C1orf185: variants seen among roughly 807,000 people sequenced by gnomAD.
C1orf185 encodes uncharacterized protein C1orf185.
In C1orf185, 13 loss-of-function variants were observed where a neutral mutation model predicts 16.1. The ratio of observed to expected loss-of-function variants is 0.81; its 90% CI spans 0.53 to 1.28. The LOEUF is 1.28. C1orf185 is among the 50% of genes most tolerant of loss of function. The pLI is 0.00. For synonymous variants in C1orf185, 80 were observed against 76.9 expected (o/e 1.04, Z -0.21); for missense variants, 220 against 225.2 (o/e 0.98, Z 0.15).
chr1:51,104,213 A>G (rs906218487), intron 1 of C1orf185, among the ~76,000 whole-genome samples: 3 of 152,218 alleles, frequency 2.0e-5, no homozygotes, highest in Non-Finnish European at 4.4e-5. Context: ...TATATACAGC[A>G]TAAACCTAAG....
chr1:51,148,008 G>C lies in C1orf185; in HGVS notation c.*237G>C. The C allele has an allele frequency of 2.6e-6, 1 of 388,778 alleles. No individual in the cohort carries two copies. Among genetic ancestry groups the C allele is most frequent in the Non-Finnish European group, 4.6e-6 (1 of 218,534 alleles). 24.1% of individuals were successfully genotyped at this position (388,778 alleles called of 1,614,324 possible). On this transcript the variant is annotated 3_prime_UTR_variant, in exon 5 of 5. Transcript: ENST00000371759. ...AGAAACAAAATTAGGAAGAACTAGAGTGATGTCATGAACATTAAGCTTAAC... is the reference window on the plus strand; with the variant it reads ...AGAAACAAAATTAGGAAGAACTAGACTGATGTCATGAACATTAAGCTTAAC...
At chr1:51,109,371 G>C (rs988988609) in intron 1 of C1orf185, among the ~76,000 whole-genome samples, 2 of 151,998 alleles carry the variant, frequency 1.3e-5, no homozygotes, top group African/African-American at 4.8e-5. Flanking sequence ...TTGTCTCTTC[G>C]CTTTGTTGGT....
At chr1:51,124,518 T>A (rs1185583950) in intron 3 of C1orf185, among the ~76,000 whole-genome samples, 2 of 152,246 alleles carry the variant, frequency 1.3e-5, no homozygotes, top group Admixed American at 1.3e-4. Context: ...TGAACATTAC[T>A]GCTCTTTGCA....
At chr1:51,121,701 T>C (rs1455588854) in intron 3 of C1orf185, among the ~76,000 whole-genome samples, 1 of 152,010 alleles carries the variant, frequency 6.6e-6, no homozygotes, top group Non-Finnish European at 1.5e-5. Context: ...TAAAAATAGG[T>C]TTAATATAAT....
At chr1:51,105,977 T>C (rs1202649550) in intron 1 of C1orf185, among the ~76,000 whole-genome samples, 1 of 152,124 alleles carries the variant, frequency 6.6e-6, no homozygotes, top group Non-Finnish European at 1.5e-5. Context: ...TTATATCTCA[T>C]TGCAATTCCC....
intron 1 of C1orf185, among the ~76,000 whole-genome samples, chr1:51,103,432 C>T (rs1570281979): frequency 6.7e-6 from 1 of 150,018 alleles, no homozygotes; most frequent in East Asian, 1.9e-4. Context: ...CACACACACA[C>T]ACACACACAC....
In C1orf185 at chr1:51,145,772, C is replaced by A; in HGVS notation, c.295+12C>A. ...AGCACATATAAAAGGTATTTTTTCT[C>A]AATAATTTATTAGAAGAAATCTTAA... is the stretch of plus-strand genomic sequence containing the variant. On this transcript the variant is annotated intron_variant, in intron 4 of 4. Transcript: ENST00000371759. 2 of 1,272,474 alleles carry A rather than the reference C, an allele frequency of 1.6e-6. No homozygotes were observed. The highest frequency in any genetic ancestry group is 1.5e-5 in the South Asian group (1 of 66,306). The allele number at this position is 1,272,474 out of a possible 1,614,324, so 78.8% of individuals were successfully genotyped here.
chr1:51,108,434 A>G (rs1464247998), intron 1 of C1orf185, among the ~76,000 whole-genome samples: 1 of 152,208 alleles, frequency 6.6e-6, no homozygotes, highest in African/African-American at 2.4e-5. Context: ...TATTTAGAAC[A>G]TTACAATTCT....
At chr1:51,114,748 T>C (rs1217949074) in intron 2 of C1orf185, among the ~76,000 whole-genome samples, 2 of 152,116 alleles carry the variant, frequency 1.3e-5, no homozygotes, top group Non-Finnish European at 2.9e-5. Context: ...ATAAAGACTA[T>C]CCTATAGCTG....
downstream of C1orf185, among the ~76,000 whole-genome samples, chr1:51,151,308 G>A (rs184663518): frequency 3.3e-5 from 5 of 152,222 alleles, no homozygotes; most frequent in Middle Eastern, 3.4e-3. Flanking sequence ...ACTACTTTTC[G>A]GATTGGGGTA....
At chr1:51,146,085 C>T (rs961653237) in intron 4 of C1orf185, among the ~76,000 whole-genome samples, 2 of 152,268 alleles carry the variant, frequency 1.3e-5, no homozygotes, top group Admixed American at 1.3e-4. Context: ...AACATTACCT[C>T]TTACATAATT....
intron 3 of C1orf185, among the ~76,000 whole-genome samples, chr1:51,128,064 T>G (rs1646254934): frequency 6.6e-6 from 1 of 151,970 alleles, no homozygotes; most frequent in Non-Finnish European, 1.5e-5. Flanking sequence ...ACTTTTTGTA[T>G]TTTTAGTAGA....
chr1:51,115,365 T>C (rs532480370), intron 2 of C1orf185, among the ~76,000 whole-genome samples: 11 of 152,288 alleles, frequency 7.2e-5, no homozygotes, highest in Admixed American at 6.5e-4. Flanking sequence ...TTTAGATTCA[T>C]TTATATTGCA....
intron 1 of C1orf185, among the ~76,000 whole-genome samples, chr1:51,107,804 T>C (rs1276469518): frequency 6.6e-6 from 1 of 152,244 alleles, no homozygotes. Context: ...ATTTATCATG[T>C]TGTGCATAGT....
chr1:51,132,559 G>T (rs1487725742), intron 3 of C1orf185, among the ~76,000 whole-genome samples: 1 of 152,100 alleles, frequency 6.6e-6, no homozygotes, highest in African/African-American at 2.4e-5. Context: ...GAATGAAAAA[G>T]AATGAATAAA....
chr1:51,106,221 T>A (rs79304933), intron 1 of C1orf185, among the ~76,000 whole-genome samples: 21,426 of 151,750 alleles, frequency 0.14, 2,415 homozygotes, highest in African/African-American at 0.31. Flanking sequence ...TTAAAAAAAA[T>A]TTTTCTGATT....
chr1:51,122,258 C>T (rs1291281069), intron 3 of C1orf185, among the ~76,000 whole-genome samples: 1 of 152,140 alleles, frequency 6.6e-6, no homozygotes, highest in Admixed American at 6.6e-5. Flanking sequence ...AGGGTAAGTG[C>T]ATATTCAACC....
At chr1:51,122,396 G>A (rs1343474428) in intron 3 of C1orf185, among the ~76,000 whole-genome samples, 3 of 152,026 alleles carry the variant, frequency 2.0e-5, no homozygotes, top group African/African-American at 4.8e-5. Flanking sequence ...CTAAATTTCT[G>A]ACAACCTAAT....
intron 3 of C1orf185, among the ~76,000 whole-genome samples, chr1:51,133,820 C>T (rs1318793117): frequency 1.3e-5 from 2 of 152,242 alleles, no homozygotes; most frequent in Non-Finnish European, 2.9e-5. Context: ...AACACTCTGG[C>T]TGGGCACAGT....
Sources: allele counts gnomAD v4.1 joint callset (sites outside exome capture counted in the v4.1 genomes callset), GRCh38; gene constraint gnomAD v4.1.1; transcripts MANE v1.5; gene names NCBI Gene and HGNC (gene_info 2026-07-23, HGNC 2026-07-21).